MACROD2: variants seen among roughly 807,000 people sequenced by gnomAD.
MACROD2 encodes mono-ADP ribosylhydrolase 2.
MACROD2 carries 36 observed loss-of-function variants against 70.4 expected under a neutral mutation model. The ratio of observed to expected loss-of-function variants is 0.51; its 90% CI spans 0.39 to 0.68. The LOEUF is 0.68. Among genes scored for constraint, MACROD2 ranks in the 30% least tolerant of loss-of-function variants. The pLI, the probability that MACROD2 is intolerant of heterozygous loss-of-function variation, is 0.00. For synonymous variants in MACROD2, 172 were observed against 178.8 expected (o/e 0.96, Z 0.30); for missense variants, 496 against 538.4 (o/e 0.92, Z 0.78).
intron 5 of MACROD2, among the ~76,000 whole-genome samples, chr20:14,952,883 A>G (rs927108286): frequency 4.6e-5 from 7 of 152,102 alleles, no homozygotes; most frequent in African/African-American, 1.7e-4. Context: ...TACTCATTGC[A>G]TATTTCTTTA....
chr20:14,851,416 T>C (rs1306335651), intron 5 of MACROD2, among the ~76,000 whole-genome samples: 2 of 152,176 alleles, frequency 1.3e-5, no homozygotes, highest in African/African-American at 2.4e-5. Flanking sequence ...TTTACCAAAT[T>C]CTATTTAATC....
intron 6 of MACROD2, among the ~76,000 whole-genome samples, chr20:15,404,308 A>G (rs2045968466): frequency 6.6e-6 from 1 of 152,186 alleles, no homozygotes; most frequent in Non-Finnish European, 1.5e-5. Flanking sequence ...TATATTTAGT[A>G]TTCTATGTTA....
chr20:14,479,015 T>A (rs902942412), intron 3 of MACROD2, among the ~76,000 whole-genome samples: 1 of 152,098 alleles, frequency 6.6e-6, no homozygotes, highest in African/African-American at 2.4e-5. Context: ...TAGCTACTTA[T>A]TGTGGTGGAG....
intron 8 of MACROD2, among the ~76,000 whole-genome samples, chr20:15,547,316 A>G (rs903775015): frequency 2.8e-4 from 42 of 152,200 alleles, no homozygotes; most frequent in African/African-American, 9.9e-4. Context: ...CAATCCAGGG[A>G]GCAAAACAAA....
At chr20:14,794,461 C>T (rs2072487782) in intron 5 of MACROD2, among the ~76,000 whole-genome samples, 1 of 152,030 alleles carries the variant, frequency 6.6e-6, no homozygotes, top group African/African-American at 2.4e-5. Context: ...AGAAATATGA[C>T]CATTACCATT....
intron 8 of MACROD2, among the ~76,000 whole-genome samples, chr20:15,776,338 G>T (rs2051721546): frequency 6.6e-6 from 1 of 152,072 alleles, no homozygotes; most frequent in Non-Finnish European, 1.5e-5. Context: ...TATCAAGCAG[G>T]ACCCTGTCCT....
chr20:15,703,231 A>G (rs545142555), intron 8 of MACROD2, among the ~76,000 whole-genome samples: 38 of 152,328 alleles, frequency 2.5e-4, no homozygotes, highest in African/African-American at 8.7e-4. Flanking sequence ...CAGAATAAAG[A>G]TCTGTTCTAA....
chr20:14,992,364 A>T (rs2074912400), intron 5 of MACROD2, among the ~76,000 whole-genome samples: 2 of 152,202 alleles, frequency 1.3e-5, no homozygotes, highest in Admixed American at 6.5e-5. Context: ...GTTAAAATGC[A>T]TGTTGTTCTT....
chr20:14,937,560 A>G (rs2074351412), intron 5 of MACROD2, among the ~76,000 whole-genome samples: 2 of 152,014 alleles, frequency 1.3e-5, no homozygotes, highest in African/African-American at 4.8e-5. Context: ...ATAATGAGGT[A>G]TATTTATTTT....
chr20:14,613,886 A>G (rs948376401), intron 4 of MACROD2, among the ~76,000 whole-genome samples: 2 of 152,124 alleles, frequency 1.3e-5, no homozygotes, highest in Non-Finnish European at 1.5e-5. Context: ...CTGCCTATGT[A>G]AACCCATCGT....
chr20:14,441,633 TAC>T (rs1363262150), intron 3 of MACROD2, among the ~76,000 whole-genome samples: 1 of 152,176 alleles, frequency 6.6e-6, no homozygotes, highest in African/African-American at 2.4e-5. Flanking sequence ...TACTGCATCA[TAC>T]AAGTCAGTTT....
intron 3 of MACROD2, among the ~76,000 whole-genome samples, chr20:14,098,825 C>G (rs1041111461): frequency 1.1e-4 from 17 of 152,152 alleles, no homozygotes; most frequent in African/African-American, 3.6e-4. Context: ...CAAAAGTCAT[C>G]AAAGTCAAAA....
chr20:15,004,156 G>T (rs1249717569), intron 5 of MACROD2, among the ~76,000 whole-genome samples: 1 of 152,192 alleles, frequency 6.6e-6, no homozygotes, highest in Non-Finnish European at 1.5e-5. Flanking sequence ...CATGTGGTGT[G>T]GCTGTCCTCA....
chr20:14,004,800 A>G (rs1196653520), intron 2 of MACROD2, among the ~76,000 whole-genome samples: 5 of 152,166 alleles, frequency 3.3e-5, no homozygotes, highest in Admixed American at 6.5e-5. Flanking sequence ...TAAACTAAGT[A>G]TTAAAAGAAT....
intron 3 of MACROD2, among the ~76,000 whole-genome samples, chr20:14,215,365 C>CAA (rs1175233778): frequency 3.3e-5 from 5 of 150,724 alleles, no homozygotes; most frequent in Non-Finnish European, 5.9e-5. Context: ...CACACACACA[C>CAA]ACACACACAC....
intron 7 of MACROD2, among the ~76,000 whole-genome samples, chr20:15,479,265 C>CTT (rs767435610): frequency 0.055 from 4,825 of 87,688 alleles, 210 homozygotes; most frequent in African/African-American, 0.069. Flanking sequence ...TTCTCGCTCT[C>CTT]TTTTTTTTTT....
At chr20:15,459,900 T>C (rs1038497421) in intron 7 of MACROD2, among the ~76,000 whole-genome samples, 1 of 152,086 alleles carries the variant, frequency 6.6e-6, no homozygotes, top group Non-Finnish European at 1.5e-5. Flanking sequence ...GTGGTTCTTA[T>C]GAGTTTCTAT....
At chr20:15,785,033 T>C (rs1460663885) in intron 8 of MACROD2, among the ~76,000 whole-genome samples, 1 of 151,160 alleles carries the variant, frequency 6.6e-6, no homozygotes, top group East Asian at 1.9e-4. Context: ...GCGCCTGTAG[T>C]CCCAGCTACT....
intron 5 of MACROD2, among the ~76,000 whole-genome samples, chr20:15,161,658 G>T (rs1386038319): frequency 6.6e-6 from 1 of 151,978 alleles, no homozygotes; most frequent in Non-Finnish European, 1.5e-5. Flanking sequence ...TGGTTCAGCT[G>T]CATTATCTCA....
Sources: allele counts gnomAD v4.1 joint callset (sites outside exome capture counted in the v4.1 genomes callset), GRCh38; gene constraint gnomAD v4.1.1; transcripts MANE v1.5; gene names NCBI Gene and HGNC (gene_info 2026-07-23, HGNC 2026-07-21).